Variants in PMFBP1 observed in about 807,000 individuals in gnomAD.
The protein encoded by PMFBP1 is polyamine modulated factor 1 binding protein 1.
A neutral mutation model predicts 137.8 loss-of-function variants in PMFBP1; 131 were observed. The observed-to-expected ratio is 0.95, with a 90% CI of 0.82 to 1.10. PMFBP1 has a LOEUF of 1.10. Among genes scored for constraint, PMFBP1 ranks in the 50% least tolerant of loss-of-function variants. The pLI, the probability that PMFBP1 is intolerant of heterozygous loss-of-function variation, is 0.00. For missense variants in PMFBP1, 1,199 were observed against 1,175.4 expected, an observed-to-expected ratio of 1.02 and a Z score of -0.29; for synonymous variants, 490 against 450.4, an observed-to-expected ratio of 1.09 and a Z score of -1.11.
upstream of PMFBP1, among the ~76,000 whole-genome samples, chr16:72,173,149 C>T (rs1163158068): frequency 6.6e-6 from 1 of 152,188 alleles, no homozygotes; most frequent in African/African-American, 2.4e-5. Context: ...TTCATTTCTG[C>T]TTCTGTAAGC....
At chr16:72,215,682 T>C in the PMFBP1 span, among the ~76,000 whole-genome samples, 8 of 152,142 alleles carry the variant, frequency 5.3e-5, no homozygotes, top group African/African-American at 1.7e-4. Flanking sequence ...GTGAACAAAG[T>C]AGGTGAAACA....
the PMFBP1 span, among the ~76,000 whole-genome samples, chr16:72,217,710 G>A: frequency 2.5e-4 from 38 of 152,104 alleles, no homozygotes; most frequent in Non-Finnish European, 4.6e-4. Context: ...AAAATTAGCC[G>A]AGTGTGGTGG....
At chr16:72,195,975 T>G in the PMFBP1 span, among the ~76,000 whole-genome samples, 1 of 145,224 alleles carries the variant, frequency 6.9e-6, no homozygotes, top group South Asian at 2.3e-4. Flanking sequence ...TCTCAGAGCT[T>G]ACAGAATGTG....
chr16:72,123,764 C>A (rs2042412181), intron 17 of PMFBP1, 115 bp from the exon 18 acceptor site: 3 of 908,492 alleles, frequency 3.3e-6, no homozygotes, highest in Admixed American at 2.7e-5. Flanking sequence ...ACTCTGCTGT[C>A]CAACCCGAGG....
the PMFBP1 span, among the ~76,000 whole-genome samples, chr16:72,234,747 C>A: frequency 6.6e-6 from 1 of 152,156 alleles, no homozygotes; most frequent in Admixed American, 6.5e-5. Context: ...CCTGAACTGA[C>A]CCACTGACAA....
chr16:72,139,459 A>C, intron 6 of PMFBP1, 60 bp from the exon 7 acceptor site: 1 of 1,258,116 alleles, frequency 7.9e-7, no homozygotes, highest in Non-Finnish European at 1.2e-6. Flanking sequence ...TGTTACCATG[A>C]CTATTATTTC....
chr16:72,207,040 G>A, the PMFBP1 span, among the ~76,000 whole-genome samples: 7 of 151,304 alleles, frequency 4.6e-5, no homozygotes. Context: ...ACCCTGGAAT[G>A]GTGGGTCAGA....
At chr16:72,117,187 G>A (rs1417619493), downstream of PMFBP1, among the ~76,000 whole-genome samples, 4 of 152,042 alleles carry the variant, frequency 2.6e-5, no homozygotes, top group Non-Finnish European at 4.4e-5. Flanking sequence ...TCTCAGTAAT[G>A]TTTTATAGTT....
the PMFBP1 span, chr16:72,224,786 T>A: frequency 1.3e-5 from 2 of 152,240 alleles, no homozygotes; most frequent in African/African-American, 4.8e-5. Flanking sequence ...TCATAGCAAT[T>A]TCATATTGTC....
intron 4 of PMFBP1, among the ~76,000 whole-genome samples, chr16:72,151,469 G>T (rs575555763): frequency 6.6e-6 from 1 of 152,300 alleles, no homozygotes; most frequent in South Asian, 2.1e-4. Flanking sequence ...CAATCTTGGG[G>T]ACATAAGATT....
chr16:72,152,774 G>A (rs1237542796), intron 4 of PMFBP1, among the ~76,000 whole-genome samples: 2 of 151,044 alleles, frequency 1.3e-5, no homozygotes, highest in African/African-American at 4.9e-5. Context: ...GAACTTGGGA[G>A]GCGGAGGTTG....
At chr16:72,213,296 G>A in the PMFBP1 span, among the ~76,000 whole-genome samples, 1 of 152,092 alleles carries the variant, frequency 6.6e-6, no homozygotes, top group African/African-American at 2.4e-5. Context: ...CCCTCCTCTT[G>A]AGCTGGACTT....
Position 72,144,969 on chromosome 16 carries a change from C to T in PMFBP1, c.637-4387G>A, listed in dbSNP as rs572788428. 1.5e-4 allele frequency among the ~76,000 whole-genome samples: 23 copies of T among 152,226 alleles called. No individual in the cohort carries two copies. In the South Asian group the frequency reaches 4.4e-3, roughly 29 times the overall value. On this transcript the variant is annotated intron_variant, in intron 5 of 20. Transcript: ENST00000237353. ...ACTCCACTGTCAATATTAGACAGAC[C>T]AATGAGACAGAAAATTAACAAGGAC...
At chr16:72,241,375 G>T in the PMFBP1 span, among the ~76,000 whole-genome samples, 13 of 152,130 alleles carry the variant, frequency 8.5e-5, no homozygotes, top group Middle Eastern at 3.4e-3. Flanking sequence ...AAAAGTAGCA[G>T]GCTATTCTCA....
At chr16:72,152,119 G>A (rs573141027) in intron 4 of PMFBP1, among the ~76,000 whole-genome samples, 2 of 152,256 alleles carry the variant, frequency 1.3e-5, no homozygotes, top group South Asian at 2.1e-4. Context: ...AATCACCTCC[G>A]GAATTAGTTA....
chr16:72,128,505 T>A, intron 14 of PMFBP1, 152 bp downstream of exon 14: 6 of 1,553,226 alleles, frequency 3.9e-6, no homozygotes, highest in Non-Finnish European at 5.2e-6. Flanking sequence ...CAGGTGCCAA[T>A]GGGGAGGGAA....
intron 2 of PMFBP1, 31 bp downstream of exon 2, chr16:72,171,166 T>C (rs1567644810): frequency 6.2e-6 from 10 of 1,610,786 alleles, no homozygotes; most frequent in African/African-American, 1.3e-5. Flanking sequence ...AATATTCAAC[T>C]CCATGCATGT....
At chr16:72,128,466 T>C in intron 14 of PMFBP1, 191 bp downstream of exon 14, 3 of 1,531,694 alleles carry the variant, frequency 2.0e-6, no homozygotes, top group Admixed American at 2.0e-5. Flanking sequence ...CTTCCACATA[T>C]GGAAGAAACA....
chr16:72,123,683 G>A, intron 17 of PMFBP1, 34 bp from the exon 18 acceptor site: 1 of 1,590,400 alleles, frequency 6.3e-7, no homozygotes, highest in South Asian at 1.1e-5. Context: ...ACAGTCAGAG[G>A]TGGGAGCACA....
Sources: allele counts gnomAD v4.1 joint callset (sites outside exome capture counted in the v4.1 genomes callset), GRCh38; gene constraint gnomAD v4.1.1; transcripts MANE v1.5; gene names NCBI Gene and HGNC (gene_info 2026-07-23, HGNC 2026-07-21).